Variants in GRK3 observed in about 807,000 individuals in gnomAD.
The protein encoded by GRK3 is G protein-coupled receptor kinase 3, also known as adrenergic, beta, receptor kinase 2.
In GRK3, 54 loss-of-function variants were observed where a neutral mutation model predicts 95.7. The observed-to-expected ratio is 0.56, with a 90% CI of 0.45 to 0.71. The LOEUF (loss-of-function observed/expected upper bound fraction) is 0.71, where lower values mean the gene tolerates loss of function less well. Among genes scored for constraint, GRK3 ranks in the 30% least tolerant of loss-of-function variants. GRK3 has a pLI of 0.00. For missense variants in GRK3, 649 were observed against 851.2 expected (o/e 0.76, Z 2.96); for synonymous variants, 281 against 290.8 (o/e 0.97, Z 0.34).
At chr22:25,590,284 G>T (rs112200774) in intron 1 of GRK3, among the ~76,000 whole-genome samples, 2,892 of 151,914 alleles carry the variant, frequency 0.019, 45 homozygotes, top group Non-Finnish European at 0.028. Context: ...TTATCAAATA[G>T]TCAATGCACA....
At chr22:25,668,728 T>G (rs1356500256) in intron 6 of GRK3, among the ~76,000 whole-genome samples, 1 of 152,204 alleles carries the variant, frequency 6.6e-6, no homozygotes, top group Non-Finnish European at 1.5e-5. Context: ...AGCCAAGTCC[T>G]GGGCCATCTC....
At chr22:25,598,108 A>G (rs901020619) in intron 1 of GRK3, among the ~76,000 whole-genome samples, 5 of 152,242 alleles carry the variant, frequency 3.3e-5, no homozygotes, top group African/African-American at 1.2e-4. Flanking sequence ...ATGCAAATAT[A>G]TTATGAGATT....
Position 25,729,006 on chromosome 22 carries a change from T to C in GRK3, c.*6556T>C, listed in dbSNP as rs193245772. On this transcript the variant is annotated 3_prime_UTR_variant, in exon 21 of 21. Transcript: ENST00000324198. ...TACGAAGTGAAGCCAGTAAACTAGA[T>C]ACTGTAAATCTAGATATTGTACCTA... The C allele has an allele frequency of 2.1e-4, 32 of 152,372 alleles. No individual in the cohort carries two copies. Among genetic ancestry groups the C allele is most frequent in the African/African-American group, 7.2e-4 (30 of 41,594 alleles). 9.4% of individuals were successfully genotyped at this position (152,372 alleles called of 1,614,324 possible). A position where few individuals can be genotyped will look rare whatever the true frequency, so the allele number is the denominator to read the frequency against.
At chr22:25,721,520 C>T (rs919921036) in intron 20 of GRK3, 123 bp downstream of exon 20, 36 of 610,448 alleles carry the variant, frequency 5.9e-5, no homozygotes, top group Non-Finnish European at 9.2e-5. Context: ...GTAAGAAAGC[C>T]CCAAGGTACA....
chr22:25,567,174 A>G (rs1275379726), intron 1 of GRK3, among the ~76,000 whole-genome samples: 2 of 152,144 alleles, frequency 1.3e-5, no homozygotes, highest in African/African-American at 4.8e-5. Flanking sequence ...CCAGAGAGTA[A>G]TTTTAGGAAA....
In GRK3 at chr22:25,704,188, G is replaced by C; in HGVS notation, c.1307G>C (p.Arg436Pro). ...TTGCTTCAGCGAGACGTTAGCAAGCGGCTGGGCTGTCACGGAGGCGGGTAG... is the reference window on the plus strand; with the variant it reads ...TTGCTTCAGCGAGACGTTAGCAAGCCGCTGGGCTGTCACGGAGGCGGGTAG... ...EGLLQRDVSKRLGCHGGGSQE... is the reference protein window; with the variant it reads ...EGLLQRDVSKPLGCHGGGSQE... The change falls in exon 15 of 21, where the codon CGG (arginine) becomes CCG (proline). Residue 436 changes from arginine to proline, a missense_variant. By Grantham distance (103) the Arg-to-Pro change is moderately radical. Coordinates refer to ENST00000324198, the MANE Select transcript of GRK3 (RefSeq NM_005160.4). 1 of 1,612,994 alleles carries C rather than the reference G, an allele frequency of 6.2e-7. No individual in the cohort carries two copies. The highest frequency in any genetic ancestry group is 8.5e-7 in the Non-Finnish European group (1 of 1,179,384).
intron 2 of GRK3, among the ~76,000 whole-genome samples, chr22:25,633,540 G>A (rs918457092): frequency 1.3e-5 from 2 of 151,706 alleles, no homozygotes; most frequent in Non-Finnish European, 1.5e-5. Context: ...AGATTTATTC[G>A]TAAGTGTTGG....
At chr22:25,644,543 A>T (rs779736670) in intron 2 of GRK3, 49 bp from the exon 3 acceptor site, 5 of 927,700 alleles carry the variant, frequency 5.4e-6, no homozygotes, top group Middle Eastern at 4.3e-4. Flanking sequence ...TTGTGGGATA[A>T]AATTTCAATT....
intron 2 of GRK3, among the ~76,000 whole-genome samples, chr22:25,642,325 C>T (rs1263133777): frequency 2.0e-5 from 3 of 152,110 alleles, no homozygotes; most frequent in South Asian, 2.1e-4. Context: ...CCTAGCTACT[C>T]GGGAGGCTGA....
At chr22:25,609,435 A>T (rs1272842779) in intron 2 of GRK3, among the ~76,000 whole-genome samples, 1 of 151,960 alleles carries the variant, frequency 6.6e-6, no homozygotes, top group Non-Finnish European at 1.5e-5. Context: ...AGGTTCAAGC[A>T]ATGCTCTTGC....
chr22:25,690,274 A>T lies in GRK3; in HGVS notation c.1043A>T (p.His348Leu). The change falls in exon 12 of 21, where the codon CAT becomes CTT. Residue 348 changes from histidine to leucine, a missense_variant. His to Leu is a moderately conservative substitution (Grantham distance 99). Coordinates refer to ENST00000324198, the MANE Select transcript of GRK3 (RefSeq NM_005160.4). Reference protein sequence around the residue: ...LACDFSKKKPHASVGTHGYMA... With the variant: ...LACDFSKKKPLASVGTHGYMA... ...TGCGATTTTTCCAAAAAGAAGCCTC[A>T]TGCGAGTGTGTAAGTAGTGCGTCAA... 1 of 1,612,892 alleles carries T rather than the reference A, an allele frequency of 6.2e-7. No individual in the cohort carries two copies.
intron 10 of GRK3, among the ~76,000 whole-genome samples, 189 bp downstream of exon 10, chr22:25,685,437 CCTT>C (rs761977953): frequency 2.0e-5 from 3 of 152,174 alleles, no homozygotes; most frequent in Non-Finnish European, 2.9e-5. Context: ...ACTGCAACGT[CCTT>C]CTGGGCCTCC....
intron 3 of GRK3, chr22:25,648,435 C>G (rs915807853): frequency 7.8e-7 from 1 of 1,280,326 alleles, no homozygotes; most frequent in Non-Finnish European, 1.1e-6. Context: ...ATAATCTTTG[C>G]GACTAGAGGT....
intron 3 of GRK3, among the ~76,000 whole-genome samples, chr22:25,645,516 T>C (rs1347464862): frequency 6.6e-6 from 1 of 151,898 alleles, no homozygotes; most frequent in Non-Finnish European, 1.5e-5. Context: ...TCAAACTGAG[T>C]GGGGTGGGAG....
intron 17 of GRK3, among the ~76,000 whole-genome samples, chr22:25,713,940 A>G (rs1394963848): frequency 6.6e-6 from 1 of 152,142 alleles, no homozygotes; most frequent in Non-Finnish European, 1.5e-5. Flanking sequence ...TGTTTTTCTA[A>G]CTTTTCAGAT....
At chr22:25,614,063 A>G (rs1337558769) in intron 2 of GRK3, among the ~76,000 whole-genome samples, 2 of 152,148 alleles carry the variant, frequency 1.3e-5, no homozygotes, top group Non-Finnish European at 2.9e-5. Flanking sequence ...TTTAATATCT[A>G]CTAATCACTA....
intron 13 of GRK3, chr22:25,702,708 A>T (rs753931557): frequency 2.6e-6 from 1 of 385,594 alleles, no homozygotes; most frequent in Non-Finnish European, 5.2e-6. Flanking sequence ...AGTTATCTTT[A>T]TTAATTTCAC....
At chr22:25,602,493 C>T (rs1211809783) in intron 1 of GRK3, among the ~76,000 whole-genome samples, 2 of 152,138 alleles carry the variant, frequency 1.3e-5, no homozygotes, top group African/African-American at 2.4e-5. Context: ...AAAATGAAAA[C>T]GCATGCCCAT....
At chr22:25,719,517 C>G (rs1000215657) in intron 19 of GRK3, among the ~76,000 whole-genome samples, 1 of 152,164 alleles carries the variant, frequency 6.6e-6, no homozygotes. Flanking sequence ...GATGTAGCTG[C>G]CCTCTAAGAT....
Sources: allele counts gnomAD v4.1 joint callset (sites outside exome capture counted in the v4.1 genomes callset), GRCh38; gene constraint gnomAD v4.1.1; transcripts MANE v1.5; gene names NCBI Gene and HGNC (gene_info 2026-07-23, HGNC 2026-07-21).